The following GRAMD4 variants were observed in gnomAD, a reference collection of about 807,000 sequenced individuals.
GRAMD4 encodes the protein GRAM domain containing 4, also known as GRAM domain-containing protein 4.
A neutral mutation model predicts 83.9 loss-of-function variants in GRAMD4; 25 were observed. The observed-to-expected ratio is 0.30, with a 90% confidence interval of 0.22 to 0.42. The LOEUF (loss-of-function observed/expected upper bound fraction) is 0.42. Ranked by LOEUF, GRAMD4 falls within the 10% of genes least tolerant of loss-of-function variation. GRAMD4 has a pLI of 1.00. For missense variants in GRAMD4, 593 were observed against 788.7 expected (o/e 0.75, Z 2.97); for synonymous variants, 336 against 320.9 (o/e 1.05, Z -0.50).
In GRAMD4 at chr22:46,658,256, G is replaced by A. The variant is rs754367483; in HGVS notation, c.353G>A (p.Arg118Gln). Residue 118 changes from arginine (R) to glutamine (Q), a missense_variant, in exon 4 of 19, where the codon CGG (arginine) becomes CAG (glutamine). Physicochemically the swap from Arg to Gln is conservative, Grantham distance 43 (BLOSUM62 1). Around this residue, in one of 4 missense-constraint regions of GRAMD4, gnomAD observed 312 missense variants for 350.7 expected, o/e 0.89. Transcript: ENST00000406902. Reference protein sequence around the residue: ...EMLRQELDRERQRRMELEQKV... With the variant: ...EMLRQELDREQQRRMELEQKV... ...CTGCGGCAGGAGCTGGACCGCGAGC[G>A]GCAGCGGCGGATGGAGCTGGAGCAG... is the stretch of plus-strand genomic sequence containing the variant. 1 of 1,613,448 alleles carries A rather than the reference G, an allele frequency of 6.2e-7. No homozygotes were observed. The highest frequency in any genetic ancestry group is 8.5e-7 in the Non-Finnish European group (1 of 1,179,886).
chr22:46,625,268 G>A (rs1001862670), intron 1 of GRAMD4, among the ~76,000 whole-genome samples: 1 of 152,228 alleles, frequency 6.6e-6, no homozygotes, highest in African/African-American at 2.4e-5. Flanking sequence ...CTGTGGCTCA[G>A]AGTGGGTTCT....
chr22:46,668,767 C>G lies in GRAMD4; in HGVS notation c.975-32C>G. ...GCCCCCCACCCCGGCCCTGCGGCGCCCGCCCGGCCTGAGCCTCCCGTCTCC... is the reference window on the plus strand; with the variant it reads ...GCCCCCCACCCCGGCCCTGCGGCGCGCGCCCGGCCTGAGCCTCCCGTCTCC... On this transcript the variant is annotated intron_variant, in intron 12 of 18. Transcript: ENST00000406902. The G allele has an allele frequency of 3.1e-6, 4 of 1,292,336 alleles. No individual in the cohort carries two copies. The East Asian group carries it at 1.2e-4, about 39-fold the overall frequency. The allele number at this position is 1,292,336 out of a possible 1,614,324, so 80.1% of individuals were successfully genotyped here. A position where few individuals can be genotyped will look rare whatever the true frequency, so the allele number is the denominator to read the frequency against.
intron 1 of GRAMD4, among the ~76,000 whole-genome samples, chr22:46,608,238 C>T (rs1188279868): frequency 6.6e-6 from 1 of 152,240 alleles, no homozygotes; most frequent in Non-Finnish European, 1.5e-5. Flanking sequence ...ATGTGCTTCT[C>T]TCATCTTCCA....
chr22:46,669,435 G>T (rs1432816253), intron 13 of GRAMD4, among the ~76,000 whole-genome samples: 2 of 148,262 alleles, frequency 1.3e-5, no homozygotes, highest in East Asian at 3.9e-4. Flanking sequence ...GGTGGGTGGG[G>T]TGTGGTGGCC....
At chr22:46,645,904 G>A (rs975201700) in intron 3 of GRAMD4, among the ~76,000 whole-genome samples, 2 of 152,246 alleles carry the variant, frequency 1.3e-5, no homozygotes, top group East Asian at 1.9e-4. Flanking sequence ...CCTGCTGCGC[G>A]CAGGCTCTGG....
intron 1 of GRAMD4, among the ~76,000 whole-genome samples, chr22:46,595,053 G>T (rs2081247872): frequency 1.3e-5 from 2 of 152,160 alleles, no homozygotes; most frequent in African/African-American, 4.8e-5. Context: ...GCGTGGCCTG[G>T]CGTCGAGGCA....
At chr22:46,600,401 CCTT>C (rs1182182060) in intron 1 of GRAMD4, among the ~76,000 whole-genome samples, 1 of 152,186 alleles carries the variant, frequency 6.6e-6, no homozygotes, top group Non-Finnish European at 1.5e-5. Context: ...GCTGGTCTCC[CCTT>C]CTTCTGACGT....
At chr22:46,643,859 C>CT (rs1213879568) in intron 3 of GRAMD4, among the ~76,000 whole-genome samples, 2 of 152,064 alleles carry the variant, frequency 1.3e-5, no homozygotes, top group Non-Finnish European at 2.9e-5. Flanking sequence ...GTAGAGAATT[C>CT]TTTTTTTAAG....
chr22:46,639,571 T>C (rs542017638), intron 3 of GRAMD4, among the ~76,000 whole-genome samples: 2 of 151,850 alleles, frequency 1.3e-5, no homozygotes, highest in East Asian at 3.9e-4. Context: ...TCTGTGTGTG[T>C]GCGTGTGGCG....
chr22:46,630,727 C>T (rs542439973), intron 2 of GRAMD4, among the ~76,000 whole-genome samples: 7 of 152,356 alleles, frequency 4.6e-5, no homozygotes, highest in East Asian at 1.9e-4. Flanking sequence ...ACTGAGGGAT[C>T]GCAGGTGCTT....
At chr22:46,640,051 C>T (rs888043173) in intron 3 of GRAMD4, among the ~76,000 whole-genome samples, 1 of 152,170 alleles carries the variant, frequency 6.6e-6, no homozygotes, top group Non-Finnish European at 1.5e-5. Context: ...GGGGGCTGGC[C>T]CTTGGTTGAC....
At chr22:46,613,851 A>G (rs2081442193) in intron 1 of GRAMD4, among the ~76,000 whole-genome samples, 1 of 36,100 alleles carries the variant, frequency 2.8e-5, no homozygotes, top group African/African-American at 7.9e-5. Flanking sequence ...CCTCTCAGGA[A>G]CTCTTTTGCA....
chr22:46,658,129 C>A (rs1601650722), intron 3 of GRAMD4, 58 bp from the exon 4 acceptor site: 1 of 1,608,590 alleles, frequency 6.2e-7, no homozygotes, highest in East Asian at 2.2e-5. Flanking sequence ...CCCAGCATCC[C>A]AGAGTCGGGG....
intron 10 of GRAMD4, among the ~76,000 whole-genome samples, chr22:46,667,090 C>T (rs1252162278): frequency 6.6e-6 from 1 of 152,236 alleles, no homozygotes; most frequent in Non-Finnish European, 1.5e-5. Flanking sequence ...CTAGTCCAGG[C>T]TTGGCTGTGC....
intron 1 of GRAMD4, among the ~76,000 whole-genome samples, chr22:46,601,933 C>G (rs2081315683): frequency 6.6e-6 from 1 of 152,208 alleles, no homozygotes; most frequent in African/African-American, 2.4e-5. Flanking sequence ...CTCCATTGGT[C>G]CTGCTTCCAT....
At chr22:46,597,575 C>T (rs958096092) in intron 1 of GRAMD4, among the ~76,000 whole-genome samples, 28 of 152,092 alleles carry the variant, frequency 1.8e-4, no homozygotes, top group Non-Finnish European at 2.9e-4. Context: ...CTGCAAGCTC[C>T]GCCTCCTGGG....
At chr22:46,609,647 G>A (rs185714588) in intron 1 of GRAMD4, among the ~76,000 whole-genome samples, 189 of 152,300 alleles carry the variant, frequency 1.2e-3, no homozygotes, top group Middle Eastern at 6.8e-3. Context: ...CCAGGGACAC[G>A]GCACGCTGAT....
upstream of GRAMD4, among the ~76,000 whole-genome samples, chr22:46,616,267 C>T (rs1443011224): frequency 5.6e-5 from 2 of 35,988 alleles, 1 homozygote; most frequent in Non-Finnish European, 1.1e-4. Context: ...CGTGTAGGTT[C>T]CCCCGTGTGT....
At position 46,628,492 on chromosome 22, in the gene GRAMD4, T is replaced by G. The variant is rs1324270214; in HGVS notation, c.162+1531T>G. Among the ~76,000 whole-genome samples the G allele has an allele frequency of 2.2e-3, 63 of 28,350 alleles. 1 individual carries two copies. The highest frequency in any genetic ancestry group is 0.011 in the South Asian group (5 of 476). The allele number at this position is 28,350 out of a possible 152,430, so 18.6% of individuals were successfully genotyped here. A position where few individuals can be genotyped will look rare whatever the true frequency, so the allele number is the denominator to read the frequency against. On this transcript the variant is annotated intron_variant, in intron 2 of 18. Coordinates refer to ENST00000406902, the MANE Select transcript of GRAMD4 (RefSeq NM_015124.5). ...TGAGGGGCGGGTGGACTGAGTGCGT[T>G]GGTGTCTGAGGGGCGGGTGGACTGA... is the stretch of plus-strand genomic sequence containing the variant.
Sources: allele counts gnomAD v4.1 joint callset (sites outside exome capture counted in the v4.1 genomes callset), GRCh38; gene constraint gnomAD v4.1.1; regional missense constraint gnomAD v4.1.1; transcripts MANE v1.5; gene names NCBI Gene and HGNC (gene_info 2026-07-23, HGNC 2026-07-21).